NOX4: variants seen among roughly 807,000 people sequenced by gnomAD.
NOX4 encodes the protein kidney oxidase-1.
Under a neutral mutation model 87.6 loss-of-function variants are expected in NOX4, and 69 were observed. The observed-to-expected ratio is 0.79, with a 90% CI of 0.65 to 0.96. The LOEUF is 0.96. Ranked by LOEUF, NOX4 falls within the 40% of genes least tolerant of loss-of-function variation. The pLI is 0.00. For missense variants in NOX4, 680 were observed against 681.5 expected (o/e 1.00, Z 0.02); for synonymous variants, 275 against 238.2 (o/e 1.15, Z -1.42).
At chr11:89,459,400 A>T (rs566335118) in intron 2 of NOX4, among the ~76,000 whole-genome samples, 4 of 152,206 alleles carry the variant, frequency 2.6e-5, no homozygotes, top group Admixed American at 6.5e-5. Context: ...CATGAAACAC[A>T]ATTTATCCCT....
intron 11 of NOX4, among the ~76,000 whole-genome samples, chr11:89,387,623 T>C (rs1940808600): frequency 6.6e-6 from 1 of 152,198 alleles, no homozygotes; most frequent in African/African-American, 2.4e-5. Flanking sequence ...CATCGATTCA[T>C]TACTTCTATT....
At chr11:89,503,027 TGAAAAA>T (rs956844996), upstream of NOX4, among the ~76,000 whole-genome samples, 1 of 152,026 alleles carries the variant, frequency 6.6e-6, no homozygotes, top group African/African-American at 2.4e-5. Flanking sequence ...CCTATATAAA[TGAAAAA>T]TACCCTTTAT....
At chr11:89,507,331 T>C in the NOX4 span, among the ~76,000 whole-genome samples, 3 of 151,736 alleles carry the variant, frequency 2.0e-5, no homozygotes, top group Non-Finnish European at 4.4e-5. Flanking sequence ...ATGTTAACTA[T>C]GACTCAGTAA....
intron 7 of NOX4, among the ~76,000 whole-genome samples, chr11:89,431,520 C>T (rs1943781932): frequency 6.6e-6 from 1 of 151,948 alleles, no homozygotes; most frequent in Admixed American, 6.6e-5. Flanking sequence ...AACAAACAAC[C>T]CCATCAAAAA....
At chr11:89,561,015 T>TATATATATATATATATATAC in the NOX4 span, among the ~76,000 whole-genome samples, 2 of 80,510 alleles carry the variant, frequency 2.5e-5, no homozygotes, top group African/African-American at 1.2e-4. Context: ...TATATATATA[T>TATATATATATATATATATAC]ATATACATAC....
intron 6 of NOX4, among the ~76,000 whole-genome samples, chr11:89,435,773 A>C (rs1277987235): frequency 6.6e-6 from 1 of 152,118 alleles, no homozygotes; most frequent in African/African-American, 2.4e-5. Context: ...CCCTTACACA[A>C]AACTCCAATC....
chr11:89,505,660 G>C, the NOX4 span, among the ~76,000 whole-genome samples: 1 of 151,854 alleles, frequency 6.6e-6, no homozygotes, highest in Non-Finnish European at 1.5e-5. Context: ...TATTTGATGG[G>C]AGTGTAATGT....
chr11:89,544,532 G>A, the NOX4 span, among the ~76,000 whole-genome samples: 1 of 151,986 alleles, frequency 6.6e-6, no homozygotes, highest in East Asian at 1.9e-4. Context: ...AAGTGGTATA[G>A]GCAGCATTGT....
At chr11:89,588,893 A>C in the NOX4 span, among the ~76,000 whole-genome samples, 2 of 152,198 alleles carry the variant, frequency 1.3e-5, no homozygotes, top group African/African-American at 4.8e-5. Context: ...AATTAACTAA[A>C]AGATGTAATT....
At chr11:89,504,464 T>C in the NOX4 span, among the ~76,000 whole-genome samples, 7 of 151,876 alleles carry the variant, frequency 4.6e-5, no homozygotes, top group African/African-American at 1.4e-4. Context: ...GATGTGGCAA[T>C]AGAGGGTGTG....
chr11:89,486,519 CAT>C lies in NOX4; in HGVS notation c.153+3937_153+3938del, dbSNP rs201009343. Among the ~76,000 whole-genome samples the C allele has an allele frequency of 5.9e-3, 799 of 135,198 alleles. 17 individuals carry two copies. The highest frequency in any genetic ancestry group is 0.021 in the Middle Eastern group (5 of 240). The allele number at this position is 135,198 out of a possible 152,430, so 88.7% of individuals were successfully genotyped here. On this transcript the variant is annotated intron_variant, in intron 2 of 17. Transcript: ENST00000263317. ...GCATATATACACATATATACACATA[CAT>C]ATATATGTGTATATATACATATATG...
At chr11:89,447,564 A>C (rs967495343) in intron 4 of NOX4, among the ~76,000 whole-genome samples, 2 of 152,160 alleles carry the variant, frequency 1.3e-5, no homozygotes, top group Admixed American at 1.3e-4. Flanking sequence ...TACAGACAAG[A>C]AAACTGAAGT....
At chr11:89,446,601 G>A (rs1354355917) in intron 4 of NOX4, among the ~76,000 whole-genome samples, 1 of 152,086 alleles carries the variant, frequency 6.6e-6, no homozygotes, top group African/African-American at 2.4e-5. Flanking sequence ...ATTACTAAGT[G>A]AAAGAAGCCA....
At chr11:89,361,626 A>G (rs1363708955) in intron 12 of NOX4, among the ~76,000 whole-genome samples, 1 of 152,060 alleles carries the variant, frequency 6.6e-6, no homozygotes, top group African/African-American at 2.4e-5. Flanking sequence ...AACAAAAAAG[A>G]ATATTTGCTT....
intron 11 of NOX4, among the ~76,000 whole-genome samples, chr11:89,385,255 C>T (rs1262104858): frequency 2.6e-5 from 4 of 152,160 alleles, no homozygotes; most frequent in African/African-American, 9.7e-5. Flanking sequence ...AATAAAAACA[C>T]TTCTCAAGGC....
At chr11:89,458,987 A>G (rs1046107169) in intron 2 of NOX4, among the ~76,000 whole-genome samples, 2 of 152,314 alleles carry the variant, frequency 1.3e-5, no homozygotes, top group Non-Finnish European at 1.5e-5. Context: ...TCATTCTACC[A>G]TAAAGACACA....
chr11:89,427,156 AG>A (rs1943466298), intron 7 of NOX4, among the ~76,000 whole-genome samples: 1 of 152,236 alleles, frequency 6.6e-6, no homozygotes, highest in African/African-American at 2.4e-5. Context: ...CCTGCAGCTG[AG>A]GGTCCTGACT....
intron 8 of NOX4, among the ~76,000 whole-genome samples, chr11:89,405,439 C>CT (rs1268423539): frequency 6.6e-6 from 1 of 151,994 alleles, no homozygotes; most frequent in Non-Finnish European, 1.5e-5. Flanking sequence ...ACTTTGTCTT[C>CT]TTTTTTTACT....
At position 89,392,289 on chromosome 11, in the gene NOX4, CAG is replaced by C. The variant is rs1941185324; in HGVS notation, c.1074+7726_1074+7727del. On this transcript the variant is annotated intron_variant, in intron 11 of 17. Transcript: ENST00000263317. ...TTCTGAAACAAGCCTGCAATGGACT[CAG>C]AGCCTTCATACTGAGGGCTCCCTGG... Among the ~76,000 whole-genome samples, 4 of 152,258 alleles carry C rather than the reference CAG, an allele frequency of 2.6e-5. No individual in the cohort carries two copies. The South Asian group carries it at 8.3e-4, about 32-fold the overall frequency.
Sources: gnomAD v4.1 joint callset for allele counts (sites outside exome capture counted in the v4.1 genomes callset) on GRCh38, gnomAD v4.1.1 for gene constraint, MANE v1.5 for transcripts, NCBI Gene and HGNC (gene_info 2026-07-23, HGNC 2026-07-21) for gene names.